DOCK3: variants seen among roughly 807,000 people sequenced by gnomAD.
The protein encoded by DOCK3 is dedicator of cytokinesis protein 3.
In DOCK3, 60 loss-of-function variants were observed where a neutral mutation model predicts 265.6. That is an observed-to-expected ratio of 0.23 (90% CI 0.18 to 0.28). The LOEUF (loss-of-function observed/expected upper bound fraction) is 0.28, where lower values mean the gene tolerates loss of function less well. DOCK3 is among the 10% of genes least tolerant of loss of function. The pLI is 1.00. For missense variants in DOCK3, 1,981 were observed against 2,594.3 expected (o/e 0.76, Z 5.14); for synonymous variants, 881 against 938.0 (o/e 0.94, Z 1.11).
At chr3:50,808,375 T>C (rs1029559315) in intron 2 of DOCK3, among the ~76,000 whole-genome samples, 1 of 152,124 alleles carries the variant, frequency 6.6e-6, no homozygotes, top group African/African-American at 2.4e-5. Context: ...GACATTCATA[T>C]GAAAATGCAA....
At chr3:51,182,950 T>G (rs1210570543) in intron 12 of DOCK3, among the ~76,000 whole-genome samples, 4 of 152,222 alleles carry the variant, frequency 2.6e-5, no homozygotes, top group African/African-American at 4.8e-5. Context: ...CATTCCTATT[T>G]CCTCTCTGAG....
intron 9 of DOCK3, among the ~76,000 whole-genome samples, chr3:51,113,099 G>C (rs530684046): frequency 6.6e-6 from 1 of 152,214 alleles, no homozygotes; most frequent in Non-Finnish European, 1.5e-5. Flanking sequence ...TGTTCCAGCT[G>C]CTGGGGATTC....
At chr3:51,135,686 GC>G (rs1317666725) in intron 9 of DOCK3, among the ~76,000 whole-genome samples, 1 of 151,944 alleles carries the variant, frequency 6.6e-6, no homozygotes, top group Admixed American at 6.6e-5. Context: ...GGCACCTCTG[GC>G]CAGCTATCCA....
intron 9 of DOCK3, among the ~76,000 whole-genome samples, chr3:51,128,406 T>C (rs1335726401): frequency 6.6e-6 from 1 of 152,242 alleles, no homozygotes; most frequent in Non-Finnish European, 1.5e-5. Context: ...ACTGTTCCAC[T>C]GTTCTATTGA....
rs34676863 is a variant in DOCK3 at position 51,018,441 on chromosome 3, GT to G, written c.316-45995del. 4.2e-5 allele frequency among the ~76,000 whole-genome samples: 6 copies of G among 141,916 alleles called. No homozygotes were observed. In the South Asian group the frequency reaches 6.7e-4, roughly 16 times the overall value. The allele number at this position is 141,916 out of a possible 152,430, so 93.1% of individuals were successfully genotyped here. ...AGTGAGACACTATCTCCACAAAAAAGTTTTTTTTTTTTAAGTAAAATTAAAA... is the reference window on the plus strand; with the variant it reads ...AGTGAGACACTATCTCCACAAAAAAGTTTTTTTTTTTAAGTAAAATTAAAA... On this transcript the variant is annotated intron_variant, in intron 5 of 52. Coordinates refer to ENST00000266037, the MANE Select transcript of DOCK3 (RefSeq NM_004947.5).
At chr3:50,687,971 A>G (rs1187119599) in intron 1 of DOCK3, among the ~76,000 whole-genome samples, 1 of 152,220 alleles carries the variant, frequency 6.6e-6, no homozygotes, top group Admixed American at 6.5e-5. Context: ...CCTGGATTGC[A>G]TACTACAGTG....
intron 40 of DOCK3, among the ~76,000 whole-genome samples, chr3:51,352,200 C>A (rs1315122613): frequency 1.3e-5 from 2 of 152,202 alleles, no homozygotes; most frequent in African/African-American, 4.8e-5. Flanking sequence ...TTGCCTTTTT[C>A]TCATTTTATC....
chr3:50,999,635 T>C (rs548366210), intron 5 of DOCK3, among the ~76,000 whole-genome samples: 2 of 152,294 alleles, frequency 1.3e-5, no homozygotes, highest in African/African-American at 4.8e-5. Context: ...ATATCCACTG[T>C]CTATCCAACG....
chr3:50,854,670 C>T (rs2046504543), intron 3 of DOCK3, among the ~76,000 whole-genome samples: 1 of 138,488 alleles, frequency 7.2e-6, no homozygotes, highest in South Asian at 2.3e-4. Context: ...TCAAGCAGTC[C>T]TCTTTGTTTT....
rs911066949 is a variant in DOCK3 at position 51,381,160 on chromosome 3, G to C, written c.5694G>C (p.Glu1898Asp). The C allele has an allele frequency of 1.9e-6, 3 of 1,613,814 alleles. No individual in the cohort carries two copies. Among genetic ancestry groups the C allele is most frequent in the Non-Finnish European group, 2.5e-6 (3 of 1,179,878 alleles). The change falls in exon 53 of 53, where the codon GAG becomes GAC. Residue 1898 changes from glutamate to aspartate, a missense_variant. Coordinates refer to ENST00000266037, the MANE Select transcript of DOCK3 (RefSeq NM_004947.5). This position sits in a 1 kb window ranked among gnomAD's most constrained non-coding sequence, Gnocchi z 5.6. ...SASSGVSSLSESNFGHSSEAP... is the reference protein window; with the variant it reads ...SASSGVSSLSDSNFGHSSEAP... ...GCAGCGGCGTGTCCTCCTTGAGTGA[G>C]AGTAACTTTGGGCACTCCTCGGAGG...
chr3:50,942,158 C>T (rs974576844), intron 5 of DOCK3, among the ~76,000 whole-genome samples: 1 of 151,956 alleles, frequency 6.6e-6, no homozygotes, highest in Admixed American at 6.6e-5. Flanking sequence ...TGGTGAATAT[C>T]AGAGTCATAC....
chr3:51,371,595 T>C (rs2087682927), intron 49 of DOCK3, among the ~76,000 whole-genome samples: 2 of 152,226 alleles, frequency 1.3e-5, no homozygotes, highest in South Asian at 4.1e-4. Flanking sequence ...GAGGAAACAG[T>C]CCACTCTGTT....
intron 2 of DOCK3, among the ~76,000 whole-genome samples, chr3:50,823,312 G>A (rs1576550030): frequency 1.3e-5 from 2 of 152,134 alleles, no homozygotes; most frequent in Admixed American, 1.3e-4. Context: ...GCGGCCTTCC[G>A]GCCTTCCACA....
At chr3:51,341,477 G>C (rs1435343366) in intron 38 of DOCK3, 92 bp downstream of exon 38, 1 of 1,545,308 alleles carries the variant, frequency 6.5e-7, no homozygotes, top group East Asian at 2.4e-5. Context: ...GCTGCAGGGG[G>C]TAGTGTGTGG....
intron 1 of DOCK3, among the ~76,000 whole-genome samples, chr3:50,775,993 G>A (rs530652876): frequency 3.9e-5 from 6 of 152,232 alleles, no homozygotes; most frequent in South Asian, 2.1e-4. Flanking sequence ...TGGTCAGTGC[G>A]CATTTAGGTT....
chr3:50,873,551 G>C (rs2047538644), intron 3 of DOCK3, among the ~76,000 whole-genome samples: 1 of 152,204 alleles, frequency 6.6e-6, no homozygotes, highest in African/African-American at 2.4e-5. Context: ...TACCCTAGCT[G>C]TTATCTCATT....
At chr3:50,780,757 G>C (rs879491424) in intron 2 of DOCK3, among the ~76,000 whole-genome samples, 1 of 151,598 alleles carries the variant, frequency 6.6e-6, no homozygotes, top group Non-Finnish European at 1.5e-5. Context: ...ATCTTATGTG[G>C]GATAGAACAT....
chr3:50,935,979 G>A (rs1457064798), intron 5 of DOCK3, among the ~76,000 whole-genome samples: 1 of 152,146 alleles, frequency 6.6e-6, no homozygotes, highest in African/African-American at 2.4e-5. Context: ...TGCCAATATT[G>A]AGATGACACA....
At chr3:51,368,713 T>C (rs1012075981) in intron 49 of DOCK3, among the ~76,000 whole-genome samples, 5 of 152,194 alleles carry the variant, frequency 3.3e-5, no homozygotes, top group African/African-American at 1.2e-4. Flanking sequence ...GTAGTGGTTC[T>C]CCCAGCATGG....
Sources: gnomAD v4.1 joint callset for allele counts (sites outside exome capture counted in the v4.1 genomes callset) on GRCh38, gnomAD v4.1.1 for gene constraint, Gnocchi (gnomAD v3.1) non-coding constraint, MANE v1.5 for transcripts, NCBI Gene and HGNC (gene_info 2026-07-23, HGNC 2026-07-21) for gene names.